The following EMP1 variants were observed in gnomAD, a reference collection of about 807,000 sequenced individuals.
EMP1 encodes epithelial membrane protein 1.
In EMP1, 5 loss-of-function variants were observed where a neutral mutation model predicts 15.7. The ratio of observed to expected loss-of-function variants is 0.32; its 90% CI spans 0.17 to 0.67. The LOEUF (loss-of-function observed/expected upper bound fraction) is 0.67. EMP1 is among the 30% of genes least tolerant of loss of function. The pLI is 0.74. For synonymous variants in EMP1, 78 were observed against 76.7 expected, an observed-to-expected ratio of 1.02 and a Z score of -0.09; for missense variants, 166 against 194.2, an observed-to-expected ratio of 0.85 and a Z score of 0.86.
chr12:13,203,471 TAAGAG>T (rs1007940974), intron 1 of EMP1, among the ~76,000 whole-genome samples: 3 of 152,212 alleles, frequency 2.0e-5, no homozygotes, highest in Non-Finnish European at 4.4e-5. Flanking sequence ...CAAGCGGAAA[TAAGAG>T]AGAGAGGTTA....
rs1190124000 is a variant in EMP1 at position 13,219,530 on chromosome 12, AT to A, written c.*4840del. On this transcript the variant is annotated 3_prime_UTR_variant, in exon 5 of 5. Coordinates refer to ENST00000256951, the MANE Select transcript of EMP1 (RefSeq NM_001423.3). ...TGCTTCCACACTTTCAAGTATCTTT[AT>A]AGCAATGCCCCACTCCTGGTACCAA... 6.6e-6 allele frequency: 1 copy of A among 152,232 alleles called. No individual in the cohort carries two copies. The highest frequency in any genetic ancestry group is 1.5e-5 in the Non-Finnish European group (1 of 68,052). 9.4% of individuals were successfully genotyped at this position (152,232 alleles called of 1,614,324 possible).
chr12:13,198,862 C>T (rs1864037132), intron 1 of EMP1, among the ~76,000 whole-genome samples: 1 of 152,222 alleles, frequency 6.6e-6, no homozygotes, highest in Non-Finnish European at 1.5e-5. Context: ...TGCTCTTCCT[C>T]CAAGAAGTAG....
chr12:13,202,314 T>C (rs1010683945), intron 1 of EMP1, among the ~76,000 whole-genome samples: 24 of 152,190 alleles, frequency 1.6e-4, no homozygotes, highest in African/African-American at 5.8e-4. Context: ...CATTTTAGTT[T>C]CCACTACATG....
chr12:13,214,402 G>T, intron 4 of EMP1, 132 bp from the exon 5 acceptor site: 1 of 1,331,346 alleles, frequency 7.5e-7, no homozygotes, highest in African/African-American at 1.5e-5. Context: ...CAGAACTCCT[G>T]TTTAGGGACA....
At chr12:13,207,138 G>T (rs78096146) in intron 1 of EMP1, among the ~76,000 whole-genome samples, 1 of 152,048 alleles carries the variant, frequency 6.6e-6, no homozygotes, top group Non-Finnish European at 1.5e-5. Context: ...TTGAGACGGA[G>T]TCTTGCTCTG....
In EMP1 at chr12:13,218,494, A is replaced by G. The variant is rs1864233641; in HGVS notation, c.*3803A>G. On this transcript the variant is annotated 3_prime_UTR_variant, in exon 5 of 5. Transcript: ENST00000256951. ...TAGGCTGGTGGGAGGAAGAATGAAA[A>G]GAAGAAAACTTGTTGGAAATTTTGG... The G allele has an allele frequency of 6.6e-6, 1 of 152,208 alleles. No homozygotes were observed. The highest frequency in any genetic ancestry group is 1.5e-5 in the Non-Finnish European group (1 of 68,040). 9.4% of individuals were successfully genotyped at this position (152,208 alleles called of 1,614,324 possible). A position where few individuals can be genotyped will look rare whatever the true frequency, so the allele number is the denominator to read the frequency against.
At chr12:13,212,933 T>TA (rs1302710249) in intron 2 of EMP1, among the ~76,000 whole-genome samples, 2 of 152,246 alleles carry the variant, frequency 1.3e-5, no homozygotes, top group Admixed American at 6.5e-5. Flanking sequence ...ACTATCAAAT[T>TA]ACTTTGCATG....
In EMP1 at chr12:13,219,823, C is replaced by G. The variant is rs1864243632; in HGVS notation, c.*5132C>G. 6.6e-6 allele frequency: 1 copy of G among 152,170 alleles called. No homozygotes were observed. Among genetic ancestry groups the G allele is most frequent in the Non-Finnish European group, 1.5e-5 (1 of 68,046 alleles). The allele number at this position is 152,170 out of a possible 1,614,324, so 9.4% of individuals were successfully genotyped here. A position where few individuals can be genotyped will look rare whatever the true frequency, so the allele number is the denominator to read the frequency against. On this transcript the variant is annotated 3_prime_UTR_variant, in exon 5 of 5. Transcript: ENST00000256951. ...ATTTTCTTAAGTTGTTTGCTTGGAA[C>G]TCAGAGTATATTTTTCCATACGAAA...
Position 13,216,286 on chromosome 12 carries a change from T to C in EMP1, c.*1595T>C, listed in dbSNP as rs1325509833. ...TCCATTTCTTTTATACCTTTCCTTT[T>C]TGGGGAGTTGTTATGCCATGATTTT... On this transcript the variant is annotated 3_prime_UTR_variant, in exon 5 of 5. Coordinates refer to ENST00000256951, the MANE Select transcript of EMP1 (RefSeq NM_001423.3). 3.0e-6 allele frequency: 2 copies of C among 673,694 alleles called. No homozygotes were observed. The highest frequency in any genetic ancestry group is 5.4e-5 in the East Asian group (2 of 36,864). 41.7% of individuals were successfully genotyped at this position (673,694 alleles called of 1,614,324 possible).
chr12:13,202,342 C>A (rs1244413044), intron 1 of EMP1, among the ~76,000 whole-genome samples: 1 of 152,204 alleles, frequency 6.6e-6, no homozygotes, highest in South Asian at 2.1e-4. Context: ...CAGGCTGGAA[C>A]CTCTTCAATG....
intron 1 of EMP1, among the ~76,000 whole-genome samples, chr12:13,209,860 T>G (rs1041585511): frequency 6.6e-6 from 1 of 152,156 alleles, no homozygotes; most frequent in Admixed American, 6.5e-5. Flanking sequence ...ATAGCAGACA[T>G]GAAAGCTCCA....
At position 13,204,317 on chromosome 12, in the gene EMP1, A is replaced by C. The variant is rs184145338; in HGVS notation, c.-42-7152A>C. On this transcript the variant is annotated intron_variant, in intron 1 of 4. Transcript: ENST00000256951. ...AGAATGGAAAAGTACACTTGATATAAAACAACAATAACAGTGGCCAGAGAG... is the reference window on the plus strand; with the variant it reads ...AGAATGGAAAAGTACACTTGATATACAACAACAATAACAGTGGCCAGAGAG... Among the ~76,000 whole-genome samples the C allele has an allele frequency of 4.0e-3, 609 of 152,256 alleles. 1 individual carries two copies. Among genetic ancestry groups the C allele is most frequent in the African/African-American group, 0.014 (580 of 41,526 alleles).
At chr12:13,208,130 A>C (rs1184422441) in intron 1 of EMP1, among the ~76,000 whole-genome samples, 2 of 152,220 alleles carry the variant, frequency 1.3e-5, no homozygotes, top group Non-Finnish European at 2.9e-5. Flanking sequence ...GCTAAGAAAT[A>C]AGTAGTAGCC....
At chr12:13,207,985 A>T (rs1864129545) in intron 1 of EMP1, among the ~76,000 whole-genome samples, 1 of 152,202 alleles carries the variant, frequency 6.6e-6, no homozygotes, top group African/African-American at 2.4e-5. Context: ...CAGAATTGCA[A>T]TGCTGTGATT....
chr12:13,211,479 G>C lies in EMP1; in HGVS notation c.-32G>C. The C allele has an allele frequency of 6.2e-7, 1 of 1,605,664 alleles. No homozygotes were observed. The highest frequency in any genetic ancestry group is 8.5e-7 in the Non-Finnish European group (1 of 1,176,348). ...TCTTTTTCTTTTCAGAACTCTCTTT[G>C]CTCACAAGTTACCAAAAAAAAAAGA... On this transcript the variant is annotated 5_prime_UTR_variant, in exon 2 of 5. Coordinates refer to ENST00000256951, the MANE Select transcript of EMP1 (RefSeq NM_001423.3). This position sits in a 1 kb window ranked among gnomAD's most constrained non-coding sequence, Gnocchi z 4.7.
Position 13,216,082 on chromosome 12 carries a change from T to C in EMP1, c.*1391T>C. On this transcript the variant is annotated 3_prime_UTR_variant, in exon 5 of 5. Transcript: ENST00000256951. ...AGCACCTCTATACAGGACTTAGAAG[T>C]AGTATGTTATTCCTGGTTAAGCAGG... 1 of 329,508 alleles carries C rather than the reference T, an allele frequency of 3.0e-6. No individual in the cohort carries two copies. The highest frequency in any genetic ancestry group is 5.6e-6 in the Non-Finnish European group (1 of 177,750). The allele number at this position is 329,508 out of a possible 1,614,324, so 20.4% of individuals were successfully genotyped here. A position where few individuals can be genotyped will look rare whatever the true frequency, so the allele number is the denominator to read the frequency against.
In EMP1 at chr12:13,219,912, T is replaced by A. The variant is rs1367458412; in HGVS notation, c.*5221T>A. ...ACTTCTGTAATCTAGCTTGGAAACT[T>A]AATAATCATTAAACTTATTTTCAAT... On this transcript the variant is annotated 3_prime_UTR_variant, in exon 5 of 5. Coordinates refer to ENST00000256951, the MANE Select transcript of EMP1 (RefSeq NM_001423.3). 1.3e-5 allele frequency: 2 copies of A among 152,228 alleles called. No homozygotes were observed. Among genetic ancestry groups the A allele is most frequent in the African/African-American group, 2.4e-5 (1 of 41,456 alleles). 9.4% of individuals were successfully genotyped at this position (152,228 alleles called of 1,614,324 possible). A position where few individuals can be genotyped will look rare whatever the true frequency, so the allele number is the denominator to read the frequency against.
rs1315590583 is a variant in EMP1, at chr12:13,218,259, A to G, written c.*3568A>G. Reference sequence around the variant, plus strand: ...CACCGGCTTTCAGGCATGGAAAAAAATTTCACAAAGGCCTTGAAAGAAGGC... The same window carrying G: ...CACCGGCTTTCAGGCATGGAAAAAAGTTTCACAAAGGCCTTGAAAGAAGGC... On this transcript the variant is annotated 3_prime_UTR_variant, in exon 5 of 5. Transcript: ENST00000256951. 3 of 152,224 alleles carry G rather than the reference A, an allele frequency of 2.0e-5. No homozygotes were observed. Among genetic ancestry groups the G allele is most frequent in the Non-Finnish European group, 4.4e-5 (3 of 68,050 alleles). 9.4% of individuals were successfully genotyped at this position (152,224 alleles called of 1,614,324 possible). A position where few individuals can be genotyped will look rare whatever the true frequency, so the allele number is the denominator to read the frequency against.
chr12:13,211,825 A>G lies in EMP1; in HGVS notation c.78+237A>G, dbSNP rs531469403. 1.9e-6 allele frequency: 1 copy of G among 531,792 alleles called. No homozygotes were observed. Among genetic ancestry groups the G allele is most frequent in the East Asian group, 3.3e-5 (1 of 30,426 alleles). The allele number at this position is 531,792 out of a possible 1,614,324, so 32.9% of individuals were successfully genotyped here. A position where few individuals can be genotyped will look rare whatever the true frequency, so the allele number is the denominator to read the frequency against. On this transcript the variant is annotated intron_variant, in intron 2 of 4. Coordinates refer to ENST00000256951, the MANE Select transcript of EMP1 (RefSeq NM_001423.3). This position sits in a 1 kb window ranked among gnomAD's most constrained non-coding sequence, Gnocchi z 4.7. ...TAGGTGGTTAAGGGCTGGAGGATCTAGTGCAGCTTCTTCGGTCTCTAGAAG... is the reference window on the plus strand; with the variant it reads ...TAGGTGGTTAAGGGCTGGAGGATCTGGTGCAGCTTCTTCGGTCTCTAGAAG...
Sources: allele counts gnomAD v4.1 joint callset (sites outside exome capture counted in the v4.1 genomes callset), GRCh38; gene constraint gnomAD v4.1.1; non-coding constraint Gnocchi (gnomAD v3.1); transcripts MANE v1.5; gene names NCBI Gene and HGNC (gene_info 2026-07-23, HGNC 2026-07-21).